The following USH1C variants were observed in gnomAD, a reference collection of about 807,000 sequenced individuals.
USH1C encodes the protein harmonin.
In USH1C, 90 loss-of-function variants were observed where a neutral mutation model predicts 119.3. That is an observed-to-expected ratio of 0.75 (90% CI 0.64 to 0.90). USH1C has a LOEUF of 0.90. Ranked by LOEUF, USH1C falls within the 40% of genes least tolerant of loss-of-function variation. The probability of loss-of-function intolerance (pLI) is 0.00; values close to 1 mark genes in which losing one functional copy is unlikely to be tolerated. For synonymous variants in USH1C, 465 were observed against 443.3 expected (o/e 1.05, Z -0.62); for missense variants, 1,165 against 1,167.7 (o/e 1.00, Z 0.03).
At chr11:17,515,426 G>A (rs1850098904) in intron 15 of USH1C, among the ~76,000 whole-genome samples, 1 of 152,210 alleles carries the variant, frequency 6.6e-6, no homozygotes, top group Non-Finnish European at 1.5e-5. Flanking sequence ...TACAGGCAGG[G>A]AGAATTATAT....
intron 19 of USH1C, among the ~76,000 whole-genome samples, chr11:17,505,358 C>T (rs572794666): frequency 2.6e-5 from 4 of 152,370 alleles, no homozygotes; most frequent in South Asian, 2.1e-4. Context: ...AAGATGGCAA[C>T]GAGGGTAACA....
At chr11:17,519,683 T>C (rs1591997130) in intron 14 of USH1C, among the ~76,000 whole-genome samples, 1 of 152,334 alleles carries the variant, frequency 6.6e-6, no homozygotes, top group African/African-American at 2.4e-5. Flanking sequence ...TGATACTGAA[T>C]GTCACGGGGG....
At chr11:17,501,000 GTC>G in intron 23 of USH1C, 49 bp downstream of exon 23, 1 of 1,529,436 alleles carries the variant, frequency 6.5e-7, no homozygotes, top group Non-Finnish European at 9.0e-7. Flanking sequence ...GGAGGGCCCC[GTC>G]TAACCACTGT....
At chr11:17,507,098 T>C (rs376316567) in intron 18 of USH1C, among the ~76,000 whole-genome samples, 21 of 152,320 alleles carry the variant, frequency 1.4e-4, no homozygotes, top group African/African-American at 4.6e-4. Context: ...TTTGTTTCCA[T>C]GACTTGGGGC....
At position 17,509,459 on chromosome 11, in the gene USH1C, G is replaced by A. The variant is rs754365594; in HGVS notation, c.1910C>T (p.Thr637Ile). ...EEALSNHPFR[T>I]GDTGNPVEDW... ...CTCCACTGGATTGCCTGTGTCCCCA[G>A]TGCGGAAGGGATGGTTGCTCAGTGC... Residue 637 changes from threonine (T) to isoleucine (I), a missense_variant, in exon 18 of 27, where the codon ACT becomes ATT. Thr to Ile is a moderately conservative substitution (Grantham distance 89). Transcript: ENST00000005226. 6.2e-7 allele frequency: 1 copy of A among 1,613,168 alleles called. No individual in the cohort carries two copies. The highest frequency in any genetic ancestry group is 1.3e-5 in the African/African-American group (1 of 74,736).
chr11:17,523,397 G>A, intron 10 of USH1C, 22 bp downstream of exon 10: 1 of 1,614,186 alleles, frequency 6.2e-7, no homozygotes, highest in Non-Finnish European at 8.5e-7. Context: ...AGGGCCAACA[G>A]GTGAAGACCC....
intron 4 of USH1C, among the ~76,000 whole-genome samples, chr11:17,530,842 C>T (rs541868949): frequency 1.5e-4 from 23 of 152,192 alleles, no homozygotes; most frequent in South Asian, 4.1e-4. Context: ...ACTTCATATG[C>T]CAGCATCACT....
chr11:17,520,105 C>G (rs1357580391), intron 14 of USH1C, among the ~76,000 whole-genome samples: 1 of 152,166 alleles, frequency 6.6e-6, no homozygotes, highest in Non-Finnish European at 1.5e-5. Context: ...AACCAGCAAT[C>G]CTGGACTTGT....
chr11:17,519,746 C>T (rs770641848), intron 14 of USH1C, among the ~76,000 whole-genome samples: 2 of 152,202 alleles, frequency 1.3e-5, no homozygotes, highest in Non-Finnish European at 2.9e-5. Context: ...GATGACACTG[C>T]CCTGCTGCCA....
At chr11:17,520,325 T>C (rs1850354429) in intron 14 of USH1C, among the ~76,000 whole-genome samples, 1 of 152,014 alleles carries the variant, frequency 6.6e-6, no homozygotes, top group Non-Finnish European at 1.5e-5. Flanking sequence ...CATAGCTGGG[T>C]GTCTGGGAGA....
At chr11:17,496,249 C>T (rs981200094) in intron 25 of USH1C, among the ~76,000 whole-genome samples, 6 of 152,120 alleles carry the variant, frequency 3.9e-5, no homozygotes, top group African/African-American at 1.4e-4. Flanking sequence ...GAGACAGACA[C>T]ACAGGGAATC....
At chr11:17,512,241 G>T (rs923850623) in intron 15 of USH1C, among the ~76,000 whole-genome samples, 187 bp from the exon 16 acceptor site, 6 of 152,118 alleles carry the variant, frequency 3.9e-5, no homozygotes, top group Non-Finnish European at 8.8e-5. Context: ...ACTGCAGAGT[G>T]GGAGACACAT....
rs1447275997 is a variant in USH1C, at chr11:17,522,936, G to A, written c.877-10C>T. The A allele has an allele frequency of 1.2e-6, 2 of 1,609,210 alleles. No individual in the cohort carries two copies. The highest frequency in any genetic ancestry group is 2.7e-5 in the African/African-American group (2 of 74,860). On this transcript the variant is annotated splice_polypyrimidine_tract_variant and intron_variant, in intron 11 of 26. Coordinates refer to ENST00000005226, the MANE Select transcript of USH1C (RefSeq NM_153676.4). ...TGAACAGCTCCCGGCCCTCATGGGA[G>A]AAAAGAGGCCCCTTGCTCAGCCCCC... is the stretch of plus-strand genomic sequence containing the variant.
Position 17,496,817 on chromosome 11 carries a change from TG to T in USH1C, c.2491-5del. ...CAACCACAAGGTCGATCCAGTCCTGTGGGGAGAAGCCGTGTGACTCTGGGGC... is the reference window on the plus strand; with the variant it reads ...CAACCACAAGGTCGATCCAGTCCTGTGGGAGAAGCCGTGTGACTCTGGGGC... On this transcript the variant is annotated splice_polypyrimidine_tract_variant and splice_region_variant and intron_variant, in intron 24 of 26. Coordinates refer to ENST00000005226, the MANE Select transcript of USH1C (RefSeq NM_153676.4). 1.2e-6 allele frequency: 2 copies of T among 1,614,126 alleles called. No individual in the cohort carries two copies. The highest frequency in any genetic ancestry group is 1.7e-6 in the Non-Finnish European group (2 of 1,179,958).
At chr11:17,539,616 T>G (rs1851371363) in intron 1 of USH1C, among the ~76,000 whole-genome samples, 1 of 152,132 alleles carries the variant, frequency 6.6e-6, no homozygotes, top group Admixed American at 6.5e-5. Flanking sequence ...CGAGTGGCCC[T>G]CTGTAGATGT....
intron 4 of USH1C, among the ~76,000 whole-genome samples, chr11:17,529,018 G>T (rs190184224): frequency 1.3e-5 from 2 of 152,340 alleles, no homozygotes; most frequent in Non-Finnish European, 2.9e-5. Flanking sequence ...TTTGAAGTCA[G>T]GTCTCCCTGA....
At position 17,522,881 on chromosome 11, in the gene USH1C, G is replaced by C. The variant is rs753755365; in HGVS notation, c.922C>G (p.Arg308Gly). ...TCCTGCCGCTGCAGCTCACGCTGCC[G>C]CGCCTCTGCCAGCCGCTCCCGGTCT... ...MTDRERLAEA[R>G]QRELQRQELL... The change falls in exon 12 of 27, where the codon CGG becomes GGG. Residue 308 changes from arginine (R) to glycine (G), a missense_variant. Physicochemically the swap from Arg to Gly is moderately radical, Grantham distance 125 (BLOSUM62 -2). Coordinates refer to ENST00000005226, the MANE Select transcript of USH1C (RefSeq NM_153676.4). 8.7e-6 allele frequency: 14 copies of C among 1,611,252 alleles called. No individual in the cohort carries two copies. In the Admixed American group the frequency reaches 2.0e-4, roughly 23 times the overall value.
At chr11:17,497,315 G>C (rs1337990553) in intron 24 of USH1C, among the ~76,000 whole-genome samples, 1 of 152,092 alleles carries the variant, frequency 6.6e-6, no homozygotes, top group Non-Finnish European at 1.5e-5. Flanking sequence ...CCTTGGCTTA[G>C]GTGTATCCCC....
chr11:17,525,555 G>T (rs765547308), intron 8 of USH1C, among the ~76,000 whole-genome samples: 37 of 152,316 alleles, frequency 2.4e-4, no homozygotes, highest in Non-Finnish European at 3.7e-4. Context: ...GGCTCAAAGT[G>T]GTTAAGTAAC....
Sources: allele counts gnomAD v4.1 joint callset (sites outside exome capture counted in the v4.1 genomes callset), GRCh38; gene constraint gnomAD v4.1.1; transcripts MANE v1.5; gene names NCBI Gene and HGNC (gene_info 2026-07-23, HGNC 2026-07-21).